Variants in INO80 observed in about 807,000 individuals in gnomAD.
The protein encoded by INO80 is INO80 complex ATPase subunit, also known as chromatin-remodeling ATPase INO80.
A neutral mutation model predicts 203.4 loss-of-function variants in INO80; 20 were observed. That is an observed-to-expected ratio of 0.10 (90% confidence interval 0.07 to 0.14). INO80 has a LOEUF of 0.14. INO80 is among the 10% of genes least tolerant of loss of function. The pLI, the probability that INO80 is intolerant of heterozygous loss-of-function variation, is 1.00. For missense variants in INO80, 1,419 were observed against 1,914.4 expected, an observed-to-expected ratio of 0.74 and a Z score of 4.83; for synonymous variants, 726 against 685.2, an observed-to-expected ratio of 1.06 and a Z score of -0.93.
At chr15:41,085,314 G>T in intron 7 of INO80, 55 bp downstream of exon 7, 1 of 1,439,494 alleles carries the variant, frequency 6.9e-7, no homozygotes, top group Non-Finnish European at 9.8e-7. Flanking sequence ...CCTCTTTAGT[G>T]GGTGGGGAGA....
intron 24 of INO80, among the ~76,000 whole-genome samples, chr15:41,033,891 TA>T (rs958446420): frequency 5.6e-4 from 81 of 144,348 alleles, no homozygotes; most frequent in Admixed American, 9.7e-4. Context: ...CTATCTCTAC[TA>T]AAAAAAAAAA....
chr15:41,027,821 CTAACTT>C (rs1175131723), intron 24 of INO80, 85 bp from the exon 25 acceptor site: 12 of 1,051,088 alleles, frequency 1.1e-5, no homozygotes, highest in Non-Finnish European at 1.6e-5. Flanking sequence ...TATTAAACAT[CTAACTT>C]TAAGAGCTTT....
intron 35 of INO80, among the ~76,000 whole-genome samples, chr15:40,982,022 T>A (rs1370547517): frequency 6.6e-6 from 1 of 152,238 alleles, no homozygotes; most frequent in Non-Finnish European, 1.5e-5. Flanking sequence ...CTACAACTGC[T>A]GTGGCTGCCT....
intron 35 of INO80, among the ~76,000 whole-genome samples, chr15:40,981,244 A>G (rs1290270065): frequency 2.6e-5 from 4 of 152,020 alleles, no homozygotes; most frequent in Non-Finnish European, 5.9e-5. Flanking sequence ...GTTGCCAAGC[A>G]CTGTTGGTTT....
intron 27 of INO80, among the ~76,000 whole-genome samples, chr15:41,012,096 C>T (rs925337487): frequency 6.6e-6 from 1 of 152,168 alleles, no homozygotes; most frequent in Non-Finnish European, 1.5e-5. Flanking sequence ...AAAGAGAAGA[C>T]TCAGAGATAA....
chr15:41,031,222 C>T (rs896099380), intron 24 of INO80, among the ~76,000 whole-genome samples: 1 of 151,918 alleles, frequency 6.6e-6, no homozygotes, highest in South Asian at 2.1e-4. Context: ...ACCTTGGTAC[C>T]ACCACACTAT....
intron 11 of INO80, 109 bp from the exon 12 acceptor site, chr15:41,072,167 T>A: frequency 1.5e-6 from 1 of 675,654 alleles, no homozygotes; most frequent in Non-Finnish European, 2.4e-6. Flanking sequence ...GAAAAATAAT[T>A]GGAACAAAAT....
intron 17 of INO80, 58 bp from the exon 18 acceptor site, chr15:41,055,422 G>A: frequency 9.0e-7 from 1 of 1,114,940 alleles, no homozygotes; most frequent in Non-Finnish European, 1.3e-6. Context: ...AGCGTGTAAG[G>A]ATGTATTAGA....
At chr15:41,114,619 G>C (rs922974998) in intron 1 of INO80, among the ~76,000 whole-genome samples, 6 of 151,396 alleles carry the variant, frequency 4.0e-5, no homozygotes, top group African/African-American at 1.5e-4. Context: ...TGAGGCACGA[G>C]AAGTGCTTGA....
At chr15:41,057,403 A>AACTGCGCC (rs2045005681) in intron 16 of INO80, among the ~76,000 whole-genome samples, 1 of 151,384 alleles carries the variant, frequency 6.6e-6, no homozygotes, top group Non-Finnish European at 1.5e-5. Flanking sequence ...AGTGAGCCCC[A>AACTGCGCC]ACTGCGCCAC....
chr15:41,067,274 A>G (rs1424395724), intron 14 of INO80, among the ~76,000 whole-genome samples: 1 of 152,032 alleles, frequency 6.6e-6, no homozygotes, highest in South Asian at 2.1e-4. Flanking sequence ...ACAGGGTTTC[A>G]CCATCTTGGC....
At chr15:41,025,488 G>C (rs955976833) in intron 25 of INO80, among the ~76,000 whole-genome samples, 2 of 152,128 alleles carry the variant, frequency 1.3e-5, no homozygotes, top group Non-Finnish European at 2.9e-5. Context: ...GCTTAGGCAG[G>C]AGGATCACAT....
At chr15:41,101,100 G>A (rs533813269) in intron 1 of INO80, among the ~76,000 whole-genome samples, 1 of 152,204 alleles carries the variant, frequency 6.6e-6, no homozygotes, top group East Asian at 1.9e-4. Context: ...AAAGTAGTGG[G>A]ATTATAGGCA....
Position 41,013,189 on chromosome 15 carries a change from A to G in INO80, c.3402+2899T>C, listed in dbSNP as rs536481886. 7 of 152,336 alleles carry G rather than the reference A, an allele frequency of 4.6e-5. No homozygotes were observed. The East Asian group carries it at 1.3e-3, about 29-fold the overall frequency. 9.4% of individuals were successfully genotyped at this position (152,336 alleles called of 1,614,324 possible). A position where few individuals can be genotyped will look rare whatever the true frequency, so the allele number is the denominator to read the frequency against. ...GCAACACAGAGCTTTGATACCCGCA[A>G]TGTGAGTTTCTAACTCTTACTCTAT... On this transcript the variant is annotated intron_variant, in intron 27 of 35. Coordinates refer to ENST00000648947, the MANE Select transcript of INO80 (RefSeq NM_017553.3).
intron 4 of INO80, among the ~76,000 whole-genome samples, chr15:41,095,035 CA>C (rs35436731): frequency 0.86 from 123,959 of 144,298 alleles, 53,310 homozygotes; most frequent in East Asian, 0.98. Flanking sequence ...TGCAAATATT[CA>C]AAAAAAAAAA....
In INO80 at chr15:41,067,369, C is replaced by G. The variant is rs993161879; in HGVS notation, c.1782+2201G>C. On this transcript the variant is annotated intron_variant, in intron 14 of 35. Coordinates refer to ENST00000648947, the MANE Select transcript of INO80 (RefSeq NM_017553.3). Reference sequence around the variant, plus strand: ...GATTACAGGCATGAGCCACCATGCCCGGCCAAGATCTTTTATTTTTCAAGA... The same window carrying G: ...GATTACAGGCATGAGCCACCATGCCGGGCCAAGATCTTTTATTTTTCAAGA... 1.2e-4 allele frequency among the ~76,000 whole-genome samples: 19 copies of G among 152,022 alleles called. No homozygotes were observed. In the South Asian group the frequency reaches 3.9e-3, roughly 32 times the overall value.
intron 29 of INO80, among the ~76,000 whole-genome samples, chr15:40,989,711 G>A (rs896963713): frequency 6.6e-6 from 1 of 152,194 alleles, no homozygotes. Flanking sequence ...CTGAGTAGCT[G>A]AGATCACAGG....
intron 24 of INO80, among the ~76,000 whole-genome samples, chr15:41,042,986 G>C (rs1480341917): frequency 6.6e-6 from 1 of 152,164 alleles, no homozygotes; most frequent in African/African-American, 2.4e-5. Context: ...AAATTAAAAT[G>C]AGTAAATATA....
chr15:41,078,519 C>T lies in INO80; in HGVS notation c.1131+1182G>A, dbSNP rs111552537. Among the ~76,000 whole-genome samples the T allele has an allele frequency of 4.4e-3, 673 of 152,228 alleles. 3 individuals are homozygous for T. Among genetic ancestry groups the T allele is most frequent in the Non-Finnish European group, 5.3e-3 (360 of 68,020 alleles). ...TATGATTACCTTGCATGCAAATATA[C>T]GAATTAACCAGGAGACTTAAGAGAA... is the stretch of plus-strand genomic sequence containing the variant. On this transcript the variant is annotated intron_variant, in intron 9 of 35. Coordinates refer to ENST00000648947, the MANE Select transcript of INO80 (RefSeq NM_017553.3).
Sources: gnomAD v4.1 joint callset for allele counts (sites outside exome capture counted in the v4.1 genomes callset) on GRCh38, gnomAD v4.1.1 for gene constraint, MANE v1.5 for transcripts, NCBI Gene and HGNC (gene_info 2026-07-23, HGNC 2026-07-21) for gene names.